The following TMEM33 variants were observed in gnomAD, a reference collection of about 807,000 sequenced individuals.
TMEM33 encodes transmembrane protein 33.
Under a neutral mutation model 29.7 loss-of-function variants are expected in TMEM33, and 16 were observed. The ratio of observed to expected loss-of-function variants is 0.54; its 90% confidence interval spans 0.36 to 0.82. The LOEUF (loss-of-function observed/expected upper bound fraction) is 0.82. Ranked by LOEUF, TMEM33 falls within the 40% of genes least tolerant of loss-of-function variation. The pLI, the probability that TMEM33 is intolerant of heterozygous loss-of-function variation, is 0.00. For missense variants in TMEM33, 252 were observed against 295.3 expected, an observed-to-expected ratio of 0.85 and a Z score of 1.08; for synonymous variants, 112 against 109.4, an observed-to-expected ratio of 1.02 and a Z score of -0.15.
intron 2 of TMEM33, 110 bp from the exon 3 acceptor site, chr4:41,939,086 C>G: frequency 2.9e-6 from 3 of 1,049,638 alleles, no homozygotes; most frequent in Non-Finnish European, 4.0e-6. Flanking sequence ...TAATTTTTTT[C>G]TATTGACAAG....
Position 41,954,375 on chromosome 4 carries a change from A to G in TMEM33, c.*176A>G, listed in dbSNP as rs908912462. The G allele has an allele frequency of 1.2e-5, 9 of 763,298 alleles. No individual in the cohort carries two copies. In the Admixed American group the frequency reaches 3.1e-4, roughly 26 times the overall value. 47.3% of individuals were successfully genotyped at this position (763,298 alleles called of 1,614,324 possible). A position where few individuals can be genotyped will look rare whatever the true frequency, so the allele number is the denominator to read the frequency against. The stretch of plus-strand genomic sequence containing the variant: ...TTGGCATGTTAAATCAAGCTTAAAA[A>G]GTTTTGAGAAAATTTTACTGCGCTG... On this transcript the variant is annotated 3_prime_UTR_variant, in exon 7 of 7. Coordinates refer to ENST00000504986, the MANE Select transcript of TMEM33 (RefSeq NM_018126.3).
chr4:41,943,398 G>A (rs902219012), intron 3 of TMEM33, among the ~76,000 whole-genome samples: 1 of 151,918 alleles, frequency 6.6e-6, no homozygotes, highest in Non-Finnish European at 1.5e-5. Context: ...GGTGGCAGGC[G>A]CCTATAATCC....
rs1458124051 is a variant in TMEM33, at chr4:41,956,666, CTG to C, written c.*2470_*2471del. On this transcript the variant is annotated 3_prime_UTR_variant, in exon 7 of 7. Transcript: ENST00000504986. ...AAATATTACAGTATAAAATAACACT[CTG>C]TGCTTTAAATTGAGGTTTTATGTCA... The C allele has an allele frequency of 6.6e-6, 1 of 151,966 alleles. No homozygotes were observed. The highest frequency in any genetic ancestry group is 2.4e-5 in the African/African-American group (1 of 41,380). 9.4% of individuals were successfully genotyped at this position (151,966 alleles called of 1,614,324 possible). A position where few individuals can be genotyped will look rare whatever the true frequency, so the allele number is the denominator to read the frequency against.
Position 41,957,502 on chromosome 4 carries a change from A to G in TMEM33, c.*3303A>G, listed in dbSNP as rs1297786853. 6.6e-6 allele frequency: 1 copy of G among 152,068 alleles called. No homozygotes were observed. Among genetic ancestry groups the G allele is most frequent in the African/African-American group, 2.4e-5 (1 of 41,438 alleles). 9.4% of individuals were successfully genotyped at this position (152,068 alleles called of 1,614,324 possible). A position where few individuals can be genotyped will look rare whatever the true frequency, so the allele number is the denominator to read the frequency against. On this transcript the variant is annotated 3_prime_UTR_variant, in exon 7 of 7. Coordinates refer to ENST00000504986, the MANE Select transcript of TMEM33 (RefSeq NM_018126.3). ...TCCTAAAAATCCAGATCAAAACTTC[A>G]GGTTAGGTTTCTAAGTTTAGGACAT... is the stretch of plus-strand genomic sequence containing the variant.
At chr4:41,936,158 G>A (rs1712220920) in intron 1 of TMEM33, among the ~76,000 whole-genome samples, 1 of 152,102 alleles carries the variant, frequency 6.6e-6, no homozygotes. Flanking sequence ...ACCACATTTG[G>A]GAAATATTAC....
chr4:41,943,271 T>C (rs952546381), intron 3 of TMEM33, among the ~76,000 whole-genome samples: 1 of 152,182 alleles, frequency 6.6e-6, no homozygotes, highest in Non-Finnish European at 1.5e-5. Flanking sequence ...ACACCTGTAA[T>C]CCCAGCACTT....
intron 3 of TMEM33, among the ~76,000 whole-genome samples, chr4:41,940,961 GTCTT>G (rs952191248): frequency 6.6e-6 from 1 of 152,062 alleles, no homozygotes; most frequent in African/African-American, 2.4e-5. Context: ...TGCTGAAAAA[GTCTT>G]TCTAACTTAA....
At chr4:41,943,619 TA>T in intron 3 of TMEM33, 127 bp from the exon 4 acceptor site, 2 of 745,000 alleles carry the variant, frequency 2.7e-6, no homozygotes, top group Admixed American at 5.6e-5. Flanking sequence ...AGTGTATCAG[TA>T]AAACAAGCCA....
In TMEM33 at chr4:41,956,783, AAG is replaced by A. The variant is rs1235094601; in HGVS notation, c.*2585_*2586del. 6.6e-6 allele frequency: 1 copy of A among 152,204 alleles called. No individual in the cohort carries two copies. Among genetic ancestry groups the A allele is most frequent in the African/African-American group, 2.4e-5 (1 of 41,462 alleles). 9.4% of individuals were successfully genotyped at this position (152,204 alleles called of 1,614,324 possible). On this transcript the variant is annotated 3_prime_UTR_variant, in exon 7 of 7. Coordinates refer to ENST00000504986, the MANE Select transcript of TMEM33 (RefSeq NM_018126.3). The stretch of plus-strand genomic sequence containing the variant: ...TAAAGGAAGGTTTAATATACAAAAA[AAG>A]GTAATCTTAAACTTACGAAAAAGTA...
At chr4:41,943,379 G>T (rs1289090574) in intron 3 of TMEM33, among the ~76,000 whole-genome samples, 1 of 152,052 alleles carries the variant, frequency 6.6e-6, no homozygotes, top group African/African-American at 2.4e-5. Context: ...ACAAAAATTA[G>T]CTGGGCGTGG....
At chr4:41,939,688 A>AT (rs1243257895) in intron 3 of TMEM33, 33 of 475,890 alleles carry the variant, frequency 6.9e-5, no homozygotes, top group Non-Finnish European at 1.1e-4. Context: ...TAATATTTAC[A>AT]TTTTTTTCAT....
At chr4:41,951,048 C>G (rs575458372) in intron 6 of TMEM33, among the ~76,000 whole-genome samples, 22 of 125,278 alleles carry the variant, frequency 1.8e-4, no homozygotes, top group African/African-American at 4.9e-4. Flanking sequence ...TATAAAACTA[C>G]ATTTTCAGTA....
At chr4:41,945,319 A>G (rs557680237) in intron 5 of TMEM33, among the ~76,000 whole-genome samples, 8 of 152,342 alleles carry the variant, frequency 5.3e-5, no homozygotes, top group Non-Finnish European at 1.0e-4. Context: ...TATCTTAATT[A>G]TAGAAGTAAT....
Position 41,955,656 on chromosome 4 carries a change from G to A in TMEM33, c.*1457G>A, listed in dbSNP as rs933294350. 2.6e-5 allele frequency: 4 copies of A among 152,496 alleles called. No individual in the cohort carries two copies. The highest frequency in any genetic ancestry group is 7.2e-5 in the African/African-American group (3 of 41,414). The allele number at this position is 152,496 out of a possible 1,614,324, so 9.4% of individuals were successfully genotyped here. ...AGCTTAACTATAATCAGCTATTTTTGTATTTTTGTAATATTTGTCCACTAA... is the reference window on the plus strand; with the variant it reads ...AGCTTAACTATAATCAGCTATTTTTATATTTTTGTAATATTTGTCCACTAA... On this transcript the variant is annotated 3_prime_UTR_variant, in exon 7 of 7. Coordinates refer to ENST00000504986, the MANE Select transcript of TMEM33 (RefSeq NM_018126.3).
chr4:41,949,571 T>C (rs1444252631), intron 6 of TMEM33, among the ~76,000 whole-genome samples, 186 bp downstream of exon 6: 1 of 152,170 alleles, frequency 6.6e-6, no homozygotes, highest in Non-Finnish European at 1.5e-5. Flanking sequence ...TATTTGTTCT[T>C]AGAAACTGAG....
intron 1 of TMEM33, among the ~76,000 whole-genome samples, chr4:41,935,843 C>T (rs2153126108): frequency 6.6e-6 from 1 of 152,316 alleles, no homozygotes; most frequent in African/African-American, 2.4e-5. Flanking sequence ...GTTAAAGATG[C>T]CGCATGAGAT....
Position 41,939,324 on chromosome 4 carries a change from A to T in TMEM33, c.269A>T (p.Glu90Val). The T allele has an allele frequency of 6.2e-7, 1 of 1,613,798 alleles. No homozygotes were observed. Among genetic ancestry groups the T allele is most frequent in the African/African-American group, 1.3e-5 (1 of 75,030 alleles). Reference sequence around the variant, plus strand: ...GCATTCCTGGCCCAGGCTTTGTTAGAGGACAGCTGCCACTACCTGTTGTAT... The same window carrying T: ...GCATTCCTGGCCCAGGCTTTGTTAGTGGACAGCTGCCACTACCTGTTGTAT... ...SRAFLAQALLEDSCHYLLYSL... is the reference protein window; with the variant it reads ...SRAFLAQALLVDSCHYLLYSL... The change falls in exon 3 of 7, where the codon GAG (glutamate) becomes GTG (valine). Residue 90 changes from glutamate (E) to valine (V), a missense_variant. Glu to Val is a moderately radical substitution (Grantham distance 121, BLOSUM62 -2). Transcript: ENST00000504986.
At chr4:41,945,570 G>A (rs1272457598) in intron 5 of TMEM33, among the ~76,000 whole-genome samples, 1 of 152,184 alleles carries the variant, frequency 6.6e-6, no homozygotes, top group Non-Finnish European at 1.5e-5. Flanking sequence ...TTTAATATGT[G>A]TCTATGTATG....
At chr4:41,946,104 C>T (rs375729475) in intron 5 of TMEM33, among the ~76,000 whole-genome samples, 46 of 138,210 alleles carry the variant, frequency 3.3e-4, no homozygotes, top group South Asian at 9.4e-4. Flanking sequence ...AGCCGTATAA[C>T]ATTCCAACTT....
Sources: gnomAD v4.1 joint callset for allele counts (sites outside exome capture counted in the v4.1 genomes callset) on GRCh38, gnomAD v4.1.1 for gene constraint, MANE v1.5 for transcripts, NCBI Gene and HGNC (gene_info 2026-07-23, HGNC 2026-07-21) for gene names.